Variants in FYB1 observed in about 807,000 individuals in gnomAD.
FYB1 encodes the protein FYN-binding protein 1.
FYB1 carries 41 observed loss-of-function variants against 94.1 expected under a neutral mutation model. The ratio of observed to expected loss-of-function variants is 0.44; its 90% CI spans 0.34 to 0.57. The LOEUF (loss-of-function observed/expected upper bound fraction) is 0.57, where lower values mean the gene tolerates loss of function less well. FYB1 is among the 20% of genes least tolerant of loss of function. FYB1 has a pLI of 0.02. For missense variants in FYB1, 1,050 were observed against 976.8 expected (o/e 1.07, Z -1.00); for synonymous variants, 367 against 353.2 (o/e 1.04, Z -0.44).
intron 2 of FYB1, among the ~76,000 whole-genome samples, chr5:39,181,334 G>C (rs2150424326): frequency 6.6e-6 from 1 of 152,238 alleles, no homozygotes; most frequent in East Asian, 1.9e-4. Context: ...TGTGGCTATT[G>C]AATGTTTAAG....
intron 1 of FYB1, among the ~76,000 whole-genome samples, chr5:39,206,706 AT>A (rs1188582297): frequency 6.6e-6 from 1 of 152,214 alleles, no homozygotes; most frequent in Non-Finnish European, 1.5e-5. Flanking sequence ...TCTTCCTCAA[AT>A]AATAAACTAC....
intron 1 of FYB1, among the ~76,000 whole-genome samples, chr5:39,268,590 G>A (rs1429787820): frequency 2.0e-5 from 3 of 151,700 alleles, no homozygotes; most frequent in African/African-American, 7.3e-5. Flanking sequence ...TTTTGAGACG[G>A]AATTTTGCTC....
intron 1 of FYB1, among the ~76,000 whole-genome samples, chr5:39,203,609 T>C (rs1049018309): frequency 2.0e-5 from 3 of 152,290 alleles, no homozygotes; most frequent in African/African-American, 7.2e-5. Context: ...TCCTTATTTG[T>C]AATTATTTAG....
Position 39,130,578 on chromosome 5 carries a change from C to A in FYB1, c.1840+12G>T. 2.6e-6 allele frequency: 4 copies of A among 1,567,754 alleles called. No homozygotes were observed. The highest frequency in any genetic ancestry group is 3.5e-6 in the Non-Finnish European group (4 of 1,153,306). ...AATTGTAAAATGTCATTTTAAGAAG[C>A]GTGTGGCTTACCTCCACTTCCACTC... is the stretch of plus-strand genomic sequence containing the variant. On this transcript the variant is annotated intron_variant, in intron 10 of 18. Transcript: ENST00000512982.
intron 3 of FYB1, among the ~76,000 whole-genome samples, chr5:39,148,020 T>G (rs910575123): frequency 6.8e-6 from 1 of 146,846 alleles, no homozygotes; most frequent in African/African-American, 2.5e-5. Context: ...TGATCCCAAT[T>G]AGAGATTCCA....
chr5:39,185,577 TACATATATACATATATATAC>T (rs1746680129), intron 2 of FYB1, among the ~76,000 whole-genome samples: 1 of 146,200 alleles, frequency 6.8e-6, no homozygotes, highest in Non-Finnish European at 1.5e-5. Flanking sequence ...TGTATATATA[TACATATATACATATATATAC>T]ATATATATAC....
chr5:39,203,930 A>G lies in FYB1; in HGVS notation c.-27-943T>C, dbSNP rs200927714. On this transcript the variant is annotated intron_variant, in intron 1 of 18. Coordinates refer to ENST00000512982, the MANE Select transcript of FYB1 (RefSeq NM_001465.6). ...TAATGGTGTGTTTGCTCTTTGTCTC[A>G]AAAGCAAGGAGTTTAAATTTTTAGT... Among the ~76,000 whole-genome samples, 15 of 152,318 alleles carry G rather than the reference A, an allele frequency of 9.8e-5. No individual in the cohort carries two copies. In the East Asian group the frequency reaches 2.9e-3, roughly 29 times the overall value.
At chr5:39,267,876 A>G (rs1752498204) in intron 1 of FYB1, among the ~76,000 whole-genome samples, 1 of 152,222 alleles carries the variant, frequency 6.6e-6, no homozygotes, top group Non-Finnish European at 1.5e-5. Context: ...TAATCAGACA[A>G]AGTATATAAA....
chr5:39,203,161 G>A (rs1748533794), intron 1 of FYB1, 174 bp from the exon 2 acceptor site: 2 of 606,488 alleles, frequency 3.3e-6, no homozygotes, highest in Non-Finnish European at 2.9e-6. Flanking sequence ...AGAGTTTCTT[G>A]AAAGAGGAAG....
chr5:39,251,772 G>A (rs529070681), intron 1 of FYB1, among the ~76,000 whole-genome samples: 1 of 152,070 alleles, frequency 6.6e-6, no homozygotes, highest in Admixed American at 6.6e-5. Context: ...GAAGCAATGA[G>A]GGAAGGAATG....
At chr5:39,155,598 T>C (rs1420917677) in intron 2 of FYB1, among the ~76,000 whole-genome samples, 1 of 152,250 alleles carries the variant, frequency 6.6e-6, no homozygotes, top group African/African-American at 2.4e-5. Flanking sequence ...CACTACATTA[T>C]CTTTAGGAAG....
intron 2 of FYB1, among the ~76,000 whole-genome samples, chr5:39,182,327 G>GCA (rs1746334131): frequency 7.8e-6 from 1 of 127,566 alleles, no homozygotes; most frequent in African/African-American, 3.3e-5. Context: ...GTGTGTGTGT[G>GCA]TGTGTGTGTG....
chr5:39,125,081 G>GA lies in FYB1; in HGVS notation c.2046-804dup, dbSNP rs201248402. On this transcript the variant is annotated intron_variant, in intron 12 of 18. Transcript: ENST00000512982. ...ATTTGGATAGTATGTAATTGAAGCA[G>GA]AAAAAAAAAACCCTCTCATTTTTAA... is the stretch of plus-strand genomic sequence containing the variant. Among the ~76,000 whole-genome samples the GA allele has an allele frequency of 3.3e-3, 479 of 146,240 alleles. 2 individuals are homozygous for GA. The highest frequency in any genetic ancestry group is 0.011 in the African/African-American group (453 of 40,018).
chr5:39,153,179 A>G (rs1483590536), intron 3 of FYB1, among the ~76,000 whole-genome samples: 4 of 152,180 alleles, frequency 2.6e-5, no homozygotes, highest in African/African-American at 9.7e-5. Flanking sequence ...ACTTTTTAAA[A>G]AACAGTGGAA....
intron 1 of FYB1, among the ~76,000 whole-genome samples, chr5:39,226,503 T>A (rs1750479109): frequency 1.3e-5 from 2 of 152,196 alleles, no homozygotes; most frequent in South Asian, 4.1e-4. Context: ...TTCTCTCACT[T>A]CATGTCTTCT....
intron 13 of FYB1, among the ~76,000 whole-genome samples, 167 bp from the exon 14 acceptor site, chr5:39,122,569 G>A (rs1490422593): frequency 2.6e-5 from 4 of 152,024 alleles, no homozygotes; most frequent in Non-Finnish European, 5.9e-5. Context: ...TGAAAGGGGA[G>A]AGGTTATTAT....
Position 39,202,839 on chromosome 5 carries a change from T to A in FYB1, c.122A>T (p.Asn41Ile). 1 of 1,613,942 alleles carries A rather than the reference T, an allele frequency of 6.2e-7. No homozygotes were observed. The highest frequency in any genetic ancestry group is 8.5e-7 in the Non-Finnish European group (1 of 1,179,862). The change falls in exon 2 of 19, where the codon AAC becomes ATC. Residue 41 changes from asparagine (N) to isoleucine (I), a missense_variant. Physicochemically the swap from Asn to Ile is moderately radical, Grantham distance 149. Transcript: ENST00000512982. ...TGCAGGAGGGCTGGCATTTCCTTGG[T>A]TGTTGAATAAGTTCTTTCTTGCTTG... is the stretch of plus-strand genomic sequence containing the variant. ...GIQARKNLFN[N>I]QGNASPPAGP...
At position 39,251,405 on chromosome 5, in the gene FYB1, GTTAGAGGGGAATCA is replaced by G. The variant is rs1265587747; in HGVS notation, c.-28+22984_-28+22997del. Among the ~76,000 whole-genome samples the G allele has an allele frequency of 1.8e-4, 28 of 152,296 alleles. 1 individual carries two copies. The South Asian group carries it at 3.9e-3, about 21-fold the overall frequency. On this transcript the variant is annotated intron_variant, in intron 1 of 1. Coordinates refer to the FYB1 transcript ENST00000510188. ...TGCCAGAGACCACTTAGCTCACTCA[GTTAGAGGGGAATCA>G]TTTGAACTGGAACTGTATTTACTGT...
intron 10 of FYB1, 140 bp downstream of exon 10, chr5:39,130,450 C>T (rs1016375593): frequency 6.1e-6 from 4 of 660,300 alleles, no homozygotes; most frequent in African/African-American, 3.6e-5. Context: ...GATAAATGCT[C>T]ATGATGATGG....
Sources: allele counts gnomAD v4.1 joint callset (sites outside exome capture counted in the v4.1 genomes callset), GRCh38; gene constraint gnomAD v4.1.1; transcripts MANE v1.5; gene names NCBI Gene and HGNC (gene_info 2026-07-23, HGNC 2026-07-21).